The following ILK variants were observed in gnomAD, a reference collection of about 807,000 sequenced individuals.
The protein encoded by ILK is scaffold protein ILK.
In ILK, 37 loss-of-function variants were observed where a neutral mutation model predicts 57.8. The observed-to-expected ratio is 0.64, with a 90% CI of 0.49 to 0.84. The LOEUF (loss-of-function observed/expected upper bound fraction) is 0.84, where lower values mean the gene tolerates loss of function less well. ILK is among the 40% of genes least tolerant of loss of function. The pLI, the probability that ILK is intolerant of heterozygous loss-of-function variation, is 0.00. For synonymous variants in ILK, 231 were observed against 202.2 expected, an observed-to-expected ratio of 1.14 and a Z score of -1.21; for missense variants, 528 against 595.7, an observed-to-expected ratio of 0.89 and a Z score of 1.18.
intron 2 of ILK, 66 bp downstream of exon 2, chr11:6,604,426 C>A (rs2134518090): frequency 7.1e-7 from 1 of 1,408,082 alleles, no homozygotes; most frequent in Non-Finnish European, 9.8e-7. Context: ...GAGTGGAGTG[C>A]TCATGTCTGG....
intron 12 of ILK, 47 bp from the exon 13 acceptor site, chr11:6,610,415 C>T (rs370863427): frequency 7.4e-6 from 12 of 1,613,900 alleles, no homozygotes; most frequent in African/African-American, 2.7e-5. Flanking sequence ...CTTCTCTCTA[C>T]ATGACAGACT....
At chr11:6,607,796 T>G in intron 2 of ILK, 2 of 525,754 alleles carry the variant, frequency 3.8e-6, no homozygotes, top group East Asian at 3.4e-5. Context: ...CCTAAGGAAA[T>G]GAGATGTGGG....
chr11:6,604,782 A>C, intron 2 of ILK: 2 of 466,532 alleles, frequency 4.3e-6, no homozygotes, highest in Non-Finnish European at 8.5e-6. Flanking sequence ...TTTAGGCTAT[A>C]AGAAGGTCTT....
chr11:6,605,451 A>G (rs1227986537), intron 2 of ILK, among the ~76,000 whole-genome samples: 2 of 152,176 alleles, frequency 1.3e-5, no homozygotes, highest in African/African-American at 2.4e-5. Context: ...CAACGGCAGT[A>G]CAGGCTACTG....
At chr11:6,610,305 G>A (rs757340635) in intron 12 of ILK, 27 bp downstream of exon 12, 6 of 1,614,044 alleles carry the variant, frequency 3.7e-6, no homozygotes, top group Admixed American at 3.3e-5. Context: ...ATACATTTGT[G>A]TTGCGGGAGT....
In ILK at chr11:6,608,959, C is replaced by T. The variant is rs1378123090; in HGVS notation, c.524C>T (p.Thr175Ile). The change falls in exon 6 of 13, where the codon ACT becomes ATT. Residue 175 changes from threonine to isoleucine, a missense_variant. Transcript: ENST00000299421. The surrounding 1 kb of genome is among the most constrained non-coding windows in gnomAD (Gnocchi z 4.9). The stretch of plus-strand genomic sequence containing the variant: ...ACATTCTGGAAGGGGACCACCCGCA[C>T]TCGGCCCCGTGAGTCACCACTGTGG... ...KDTFWKGTTR[T>I]RPRNGTLNKH... The T allele has an allele frequency of 6.2e-7, 1 of 1,614,072 alleles. No homozygotes were observed. Among genetic ancestry groups the T allele is most frequent in the Non-Finnish European group, 8.5e-7 (1 of 1,180,016 alleles).
chr11:6,610,016 T>A lies in ILK; in HGVS notation c.1059T>A (p.Pro353=). The A allele has an allele frequency of 1.2e-6, 2 of 1,614,178 alleles. No homozygotes were observed. The highest frequency in any genetic ancestry group is 3.3e-5 in the Admixed American group (2 of 60,028). ...AATGTCCTGGTCGCATGTATGCACC[T>A]GCCTGGGTAGCCCCCGAAGGTGAGT... is the stretch of plus-strand genomic sequence containing the variant. ...SFQCPGRMYA[P]AWVAPEALQK... The change falls in exon 11 of 13, where the codon CCT becomes CCA. Residue 353 remains proline, a synonymous_variant. Transcript: ENST00000299421.
Position 6,609,768 on chromosome 11 carries a change from A to T in ILK, c.901A>T (p.Met301Leu). The T allele has an allele frequency of 6.2e-7, 1 of 1,614,192 alleles. No homozygotes were observed. Among genetic ancestry groups the T allele is most frequent in the Non-Finnish European group, 8.5e-7 (1 of 1,180,026 alleles). Residue 301 changes from methionine (M) to leucine (L), a missense_variant, in exon 10 of 13, where the codon ATG becomes TTG. Met to Leu is a conservative substitution (Grantham distance 15). Coordinates refer to ENST00000299421, the MANE Select transcript of ILK (RefSeq NM_004517.4). Reference protein sequence around the residue: ...QSQAVKFALDMARGMAFLHTL... With the variant: ...QSQAVKFALDLARGMAFLHTL... ...CCAGGCTGTGAAGTTTGCTTTGGACATGGCAAGGGGCATGGCCTTCCTACA... is the reference window on the plus strand; with the variant it reads ...CCAGGCTGTGAAGTTTGCTTTGGACTTGGCAAGGGGCATGGCCTTCCTACA...
chr11:6,608,528 G>A lies in ILK; in HGVS notation c.351+39G>A, dbSNP rs80013891. On this transcript the variant is annotated intron_variant, in intron 4 of 12. Transcript: ENST00000299421. The surrounding 1 kb of genome is among the most constrained non-coding windows in gnomAD (Gnocchi z 4.9). ...CCTTAATTCCTGAGATGGGTAGGAA[G>A]TAAAGTCTGAGCCTTGGTGGGAGAT... The A allele has an allele frequency of 1.4e-3, 2,094 of 1,546,536 alleles. 23 individuals are homozygous for A. In the African/African-American group the frequency reaches 0.024, roughly 18 times the overall value.
At position 6,609,053 on chromosome 11, in the gene ILK, A is replaced by C. The variant is rs779295855; in HGVS notation, c.533-18A>C. ...GGGTTAGGGTGAAGCTGGGTACCTG[A>C]CCTGCCCACACTCTTAGGAAATGGA... On this transcript the variant is annotated intron_variant, in intron 6 of 12. Coordinates refer to ENST00000299421, the MANE Select transcript of ILK (RefSeq NM_004517.4). The C allele has an allele frequency of 6.2e-7, 1 of 1,613,026 alleles. No individual in the cohort carries two copies. Among genetic ancestry groups the C allele is most frequent in the Admixed American group, 1.7e-5 (1 of 60,018 alleles).
chr11:6,608,305 TC>T lies in ILK; in HGVS notation c.256-84del, dbSNP rs1402483410. 4 of 1,558,768 alleles carry T rather than the reference TC, an allele frequency of 2.6e-6. No homozygotes were observed. The African/African-American group carries it at 4.1e-5, about 16-fold the overall frequency. On this transcript the variant is annotated intron_variant, in intron 3 of 12. Coordinates refer to ENST00000299421, the MANE Select transcript of ILK (RefSeq NM_004517.4). The surrounding 1 kb of genome is among the most constrained non-coding windows in gnomAD (Gnocchi z 4.9). Reference sequence around the variant, plus strand: ...ATACAGTAGAAAGCATGTGTGCTCTTCCCCCTTTTCCCATGCCCTGACACCA... The same window carrying T: ...ATACAGTAGAAAGCATGTGTGCTCTTCCCCTTTTCCCATGCCCTGACACCA...
rs1855284029 is a variant in ILK at position 6,609,498 on chromosome 11, C to T, written c.729-14C>T. The T allele has an allele frequency of 6.2e-7, 1 of 1,614,118 alleles. No individual in the cohort carries two copies. The highest frequency in any genetic ancestry group is 8.5e-7 in the Non-Finnish European group (1 of 1,180,030). ...CTTTTGTACTGGGTCTCAACCACTCCCTCCCTCTTCTAGGATTTTCTCGCA... is the reference window on the plus strand; with the variant it reads ...CTTTTGTACTGGGTCTCAACCACTCTCTCCCTCTTCTAGGATTTTCTCGCA... On this transcript the variant is annotated splice_polypyrimidine_tract_variant and intron_variant, in intron 8 of 12. Transcript: ENST00000299421.
intron 2 of ILK, chr11:6,607,250 G>A (rs1389049260): frequency 1.3e-5 from 2 of 152,170 alleles, no homozygotes; most frequent in African/African-American, 2.4e-5. Context: ...CAATTGTTTT[G>A]TTTTGTTTGT....
chr11:6,605,095 A>G (rs189447446), intron 2 of ILK, among the ~76,000 whole-genome samples: 2 of 152,276 alleles, frequency 1.3e-5, no homozygotes, highest in Non-Finnish European at 2.9e-5. Context: ...AAACTGGAGG[A>G]TGAGGCATTT....
At position 6,608,606 on chromosome 11, in the gene ILK, T is replaced by G. The variant is rs1407439876; in HGVS notation, c.352-88T>G. The G allele has an allele frequency of 7.4e-6, 10 of 1,359,542 alleles. No homozygotes were observed. In the East Asian group the frequency reaches 1.1e-4, roughly 16 times the overall value. 84.2% of individuals were successfully genotyped at this position (1,359,542 alleles called of 1,614,324 possible). On this transcript the variant is annotated intron_variant, in intron 4 of 12. Transcript: ENST00000299421. The surrounding 1 kb of genome is among the most constrained non-coding windows in gnomAD (Gnocchi z 4.9). ...TACTACTGTGTGACACTTACAGGAT[T>G]AAGTTCTACATTTGTGCATTCATGG...
In ILK at chr11:6,603,813, C is replaced by T; in HGVS notation, c.-102C>T. 1 of 352,884 alleles carries T rather than the reference C, an allele frequency of 2.8e-6. No homozygotes were observed. The highest frequency in any genetic ancestry group is 5.1e-6 in the Non-Finnish European group (1 of 195,738). The allele number at this position is 352,884 out of a possible 1,614,324, so 21.9% of individuals were successfully genotyped here. A position where few individuals can be genotyped will look rare whatever the true frequency, so the allele number is the denominator to read the frequency against. ...GTTCCCCGGAGAAGGATCCTGCAGCCCGAGTCCCGGTGAGTGCGAGAGGAC... is the reference window on the plus strand; with the variant it reads ...GTTCCCCGGAGAAGGATCCTGCAGCTCGAGTCCCGGTGAGTGCGAGAGGAC... On this transcript the variant is annotated 5_prime_UTR_variant, in exon 1 of 13. Transcript: ENST00000299421.
intron 2 of ILK, chr11:6,606,962 G>C (rs1244553217): frequency 6.6e-6 from 1 of 152,294 alleles, no homozygotes; most frequent in Non-Finnish European, 1.5e-5. Context: ...CTATTTCTGT[G>C]TTAGCAGATG....
In ILK at chr11:6,610,720, A is replaced by C. The variant is rs1229435731; in HGVS notation, c.*109A>C. 35 of 1,427,720 alleles carry C rather than the reference A, an allele frequency of 2.5e-5. No individual in the cohort carries two copies. The highest frequency in any genetic ancestry group is 3.4e-5 in the Non-Finnish European group (35 of 1,021,260). 88.4% of individuals were successfully genotyped at this position (1,427,720 alleles called of 1,614,324 possible). On this transcript the variant is annotated 3_prime_UTR_variant, in exon 13 of 13. Coordinates refer to ENST00000299421, the MANE Select transcript of ILK (RefSeq NM_004517.4). ...TGCCTCCCCCGCCTCCAGTCATGGT[A>C]CTACCCCAGCCATGGGGTCCATCCC... is the stretch of plus-strand genomic sequence containing the variant.
intron 2 of ILK, chr11:6,607,063 TC>T (rs1466321012): frequency 6.6e-6 from 1 of 152,312 alleles, no homozygotes; most frequent in East Asian, 1.9e-4. Flanking sequence ...AGACCCCTGA[TC>T]AGCTCCAGGC....
Sources: gnomAD v4.1 joint callset for allele counts (sites outside exome capture counted in the v4.1 genomes callset) on GRCh38, gnomAD v4.1.1 for gene constraint, Gnocchi (gnomAD v3.1) non-coding constraint, MANE v1.5 for transcripts, NCBI Gene and HGNC (gene_info 2026-07-23, HGNC 2026-07-21) for gene names.